Variants in HIP1 observed in about 807,000 individuals in gnomAD.
HIP1 encodes huntingtin interacting protein 1, also known as huntingtin-interacting protein 1.
Under a neutral mutation model 147.6 loss-of-function variants are expected in HIP1, and 65 were observed. That is an observed-to-expected ratio of 0.44 (90% CI 0.36 to 0.54). HIP1 has a LOEUF of 0.54. Ranked by LOEUF, HIP1 falls within the 20% of genes least tolerant of loss-of-function variation. The pLI is 0.00. For missense variants in HIP1, 1,061 were observed against 1,299.6 expected (o/e 0.82, Z 2.82); for synonymous variants, 479 against 504.0 (o/e 0.95, Z 0.67).
At chr7:75,634,483 TG>T (rs1391930279) in intron 1 of HIP1, among the ~76,000 whole-genome samples, 1 of 152,238 alleles carries the variant, frequency 6.6e-6, no homozygotes, top group African/African-American at 2.4e-5. Context: ...GCGCATACTT[TG>T]ACTGTCAGAG....
Position 75,533,853 on chromosome 7 carries a change from C to T in HIP1, c.*4319G>A, listed in dbSNP as rs1187835889. ...GCTGGCTGGTTTGCTGCGCCGATGG[C>T]TGGCAGGTCCGTGGTGGTGGTTTTC... On this transcript the variant is annotated 3_prime_UTR_variant, in exon 31 of 31. Coordinates refer to ENST00000336926, the MANE Select transcript of HIP1 (RefSeq NM_005338.7). 5.9e-5 allele frequency: 14 copies of T among 235,328 alleles called. No homozygotes were observed. The highest frequency in any genetic ancestry group is 2.9e-4 in the African/African-American group (13 of 45,474). 14.6% of individuals were successfully genotyped at this position (235,328 alleles called of 1,614,324 possible).
At chr7:75,604,813 A>G (rs964624748) in intron 1 of HIP1, among the ~76,000 whole-genome samples, 9 of 152,158 alleles carry the variant, frequency 5.9e-5, no homozygotes, top group Non-Finnish European at 8.8e-5. Context: ...TGCTTGACCA[A>G]TTGCTCAAAC....
In HIP1 at chr7:75,696,025, C is replaced by T. The variant is rs534437454; in HGVS notation, c.120+42776G>A. The stretch of plus-strand genomic sequence containing the variant: ...CTTTTTAGACACGGTTCCGCTGTGT[C>T]ACCCAGGCTGGAGTGCAGTGGTGTG... On this transcript the variant is annotated intron_variant, in intron 1 of 30. Transcript: ENST00000336926. Among the ~76,000 whole-genome samples the T allele has an allele frequency of 4.6e-5, 7 of 152,250 alleles. No individual in the cohort carries two copies. In the South Asian group the frequency reaches 1.5e-3, roughly 32 times the overall value.
Position 75,573,751 on chromosome 7 carries a change from C to T in HIP1, c.745+10G>A, listed in dbSNP as rs371492639. ...ATCTCATGTAAGAAGATCTGGCCCG[C>T]GGTACTCACAGGAGTGGAGTTTGAA... On this transcript the variant is annotated intron_variant, in intron 8 of 30. Transcript: ENST00000336926. The T allele has an allele frequency of 1.9e-5, 31 of 1,611,750 alleles. No homozygotes were observed. Among genetic ancestry groups the T allele is most frequent in the South Asian group, 3.3e-5 (3 of 90,914 alleles).
chr7:75,661,331 G>A (rs577212125), intron 1 of HIP1, among the ~76,000 whole-genome samples: 34 of 150,936 alleles, frequency 2.3e-4, no homozygotes, highest in Non-Finnish European at 4.3e-4. Flanking sequence ...CCAGTACTTC[G>A]GGAAGCCAAG....
At chr7:75,552,776 G>A (rs782650453) in intron 22 of HIP1, among the ~76,000 whole-genome samples, 3 of 152,072 alleles carry the variant, frequency 2.0e-5, no homozygotes, top group Non-Finnish European at 4.4e-5. Context: ...ATTGCCTAGT[G>A]TAATGATGAC....
intron 1 of HIP1, chr7:75,639,058 C>T (rs937078359): frequency 2.2e-4 from 212 of 984,106 alleles, no homozygotes; most frequent in Admixed American, 2.5e-4. Context: ...TACCATCTTG[C>T]TCACATCCAT....
chr7:75,668,933 C>T (rs1197868480), intron 1 of HIP1, among the ~76,000 whole-genome samples: 4 of 152,110 alleles, frequency 2.6e-5, no homozygotes, highest in African/African-American at 7.2e-5. Context: ...AAAAAGAAAA[C>T]CTGGCTGGGC....
intron 12 of HIP1, among the ~76,000 whole-genome samples, chr7:75,561,860 T>G (rs1554494614): frequency 6.6e-6 from 1 of 152,178 alleles, no homozygotes; most frequent in Non-Finnish European, 1.5e-5. Flanking sequence ...TGCCCAAGCT[T>G]GGTCTTAAAC....
chr7:75,546,266 C>T (rs1344045907), intron 25 of HIP1, among the ~76,000 whole-genome samples: 1 of 152,106 alleles, frequency 6.6e-6, no homozygotes, highest in Non-Finnish European at 1.5e-5. Flanking sequence ...GTCTGATAGT[C>T]TGAGAATCTG....
chr7:75,633,592 C>T (rs1798314722), intron 1 of HIP1, among the ~76,000 whole-genome samples: 1 of 152,122 alleles, frequency 6.6e-6, no homozygotes, highest in South Asian at 2.1e-4. Context: ...GCGCACCTGG[C>T]CTATTTCACT....
intron 1 of HIP1, among the ~76,000 whole-genome samples, chr7:75,612,115 C>T (rs376764702): frequency 1.4e-4 from 21 of 152,190 alleles, no homozygotes; most frequent in African/African-American, 3.6e-4. Context: ...GGAGCAGGCA[C>T]GGGGATGTGC....
chr7:75,651,270 C>T (rs1798973851), intron 1 of HIP1, among the ~76,000 whole-genome samples: 2 of 151,476 alleles, frequency 1.3e-5, no homozygotes, highest in African/African-American at 4.9e-5. Flanking sequence ...CCAGCCTGGT[C>T]AATATGGTGA....
At chr7:75,644,769 G>C (rs2117171208) in intron 1 of HIP1, among the ~76,000 whole-genome samples, 1 of 152,248 alleles carries the variant, frequency 6.6e-6, no homozygotes, top group South Asian at 2.1e-4. Context: ...ACCAACACTA[G>C]CTGAGTGATT....
intron 5 of HIP1, among the ~76,000 whole-genome samples, chr7:75,586,100 C>T (rs1255066107): frequency 2.6e-5 from 4 of 152,084 alleles, no homozygotes; most frequent in African/African-American, 9.7e-5. Flanking sequence ...AGGCATGAGC[C>T]ACTGTGCCCA....
intron 1 of HIP1, among the ~76,000 whole-genome samples, chr7:75,608,805 T>G (rs1554504311): frequency 6.6e-6 from 1 of 152,148 alleles, no homozygotes; most frequent in East Asian, 1.9e-4. Flanking sequence ...ATTAGATGAC[T>G]TCTAGGTCTC....
chr7:75,602,303 CTTTTT>C (rs67019261), intron 1 of HIP1, among the ~76,000 whole-genome samples: 10 of 77,276 alleles, frequency 1.3e-4, no homozygotes, highest in African/African-American at 2.2e-4. Flanking sequence ...ACCTGGCCAG[CTTTTT>C]TTTTTTTTTT....
chr7:75,729,394 G>A (rs1044522960), intron 1 of HIP1, among the ~76,000 whole-genome samples: 4 of 151,844 alleles, frequency 2.6e-5, no homozygotes, highest in Non-Finnish European at 5.9e-5. Flanking sequence ...GGCTGAGGTG[G>A]GAGAATCACT....
At chr7:75,656,372 G>A (rs1405321485) in intron 1 of HIP1, among the ~76,000 whole-genome samples, 1 of 151,558 alleles carries the variant, frequency 6.6e-6, no homozygotes, top group African/African-American at 2.4e-5. Context: ...TTCTCACTCT[G>A]GGGGAGAAAC....
Sources: allele counts gnomAD v4.1 joint callset (sites outside exome capture counted in the v4.1 genomes callset), GRCh38; gene constraint gnomAD v4.1.1; transcripts MANE v1.5; gene names NCBI Gene and HGNC (gene_info 2026-07-23, HGNC 2026-07-21).